DNAAF9: variants seen among roughly 807,000 people sequenced by gnomAD.
The protein encoded by DNAAF9 is shulin.
In DNAAF9, 90 loss-of-function variants were observed where a neutral mutation model predicts 167.0. The observed-to-expected ratio is 0.54, with a 90% confidence interval of 0.45 to 0.64. DNAAF9 has a LOEUF of 0.64. Ranked by LOEUF, DNAAF9 falls within the 30% of genes least tolerant of loss-of-function variation. DNAAF9 has a pLI of 0.00. For synonymous variants in DNAAF9, 491 were observed against 508.8 expected (o/e 0.96, Z 0.47); for missense variants, 1,315 against 1,442.2 (o/e 0.91, Z 1.43).
rs753088684 is a variant in DNAAF9, at chr20:3,376,260, C to T, written c.326G>A (p.Cys109Tyr). ...LIKSDSVHLY[C>Y]NPVNFRYLLP... ...GAGATAGCGAAAGTTTACAGGATTA[C>T]AGTACAGATGGACGCTATCCGATTT... The change falls in exon 4 of 37, where the codon TGT (cysteine) becomes TAT (tyrosine). Residue 109 changes from cysteine (C) to tyrosine (Y), a missense_variant. Physicochemically the swap from Cys to Tyr is radical, Grantham distance 194. Transcript: ENST00000252032. 6.2e-7 allele frequency: 1 copy of T among 1,612,868 alleles called. No individual in the cohort carries two copies. Among genetic ancestry groups the T allele is most frequent in the Non-Finnish European group, 8.5e-7 (1 of 1,179,010 alleles).
intron 6 of DNAAF9, 60 bp from the exon 7 acceptor site, chr20:3,359,653 T>G: frequency 8.4e-7 from 1 of 1,189,720 alleles, no homozygotes; most frequent in Non-Finnish European, 1.2e-6. Context: ...ACAATCAGAA[T>G]TATTTTCTGA....
intron 20 of DNAAF9, among the ~76,000 whole-genome samples, chr20:3,305,648 T>G (rs1044091316): frequency 1.8e-4 from 28 of 152,196 alleles, no homozygotes; most frequent in African/African-American, 6.0e-4. Context: ...GAGGGCTTCC[T>G]GAGGAGGTGA....
chr20:3,361,359 G>T (rs1361263537), intron 6 of DNAAF9, among the ~76,000 whole-genome samples: 4 of 151,026 alleles, frequency 2.6e-5, no homozygotes, highest in African/African-American at 9.7e-5. Context: ...CATCATTTAA[G>T]ACTTAAACCA....
At position 3,316,496 on chromosome 20, in the gene DNAAF9, C is replaced by T. The variant is rs577043941; in HGVS notation, c.1539+227G>A. Among the ~76,000 whole-genome samples, 9 of 150,200 alleles carry T rather than the reference C, an allele frequency of 6.0e-5. No individual in the cohort carries two copies. In the South Asian group the frequency reaches 1.1e-3, roughly 18 times the overall value. On this transcript the variant is annotated intron_variant, in intron 18 of 36. Coordinates refer to ENST00000252032, the MANE Select transcript of DNAAF9 (RefSeq NM_001009984.3). ...CCTTTCCTAATTTAACAGTGACCCA[C>T]GTAACTTTGTTCCTTTCTTTTGAAA...
chr20:3,332,900 G>GTGTGT (rs1376871054), intron 10 of DNAAF9, among the ~76,000 whole-genome samples: 1,793 of 146,930 alleles, frequency 0.012, 22 homozygotes, highest in Non-Finnish European at 0.019. Flanking sequence ...GTGTGCGTGT[G>GTGTGT]GTGTGTGTGT....
In DNAAF9 at chr20:3,324,664, T is replaced by G. The variant is rs762097819; in HGVS notation, c.1265+228A>C. Among the ~76,000 whole-genome samples, 241 of 152,218 alleles carry G rather than the reference T, an allele frequency of 1.6e-3. 1 individual carries two copies. The highest frequency in any genetic ancestry group is 2.6e-3 in the Non-Finnish European group (179 of 68,042). On this transcript the variant is annotated intron_variant, in intron 14 of 36. Transcript: ENST00000252032. ...CTGTGATGCTGGTGTTAATCTGCCC[T>G]GCATTCTAACCTCAGAACATGTGTG...
intron 7 of DNAAF9, among the ~76,000 whole-genome samples, chr20:3,357,196 G>A (rs965882377): frequency 1.3e-5 from 2 of 152,204 alleles, no homozygotes; most frequent in African/African-American, 4.8e-5. Context: ...GTGAGGCCAG[G>A]TGTGGTGGCT....
rs1308966108 is a variant in DNAAF9, at chr20:3,348,621, A to C, written c.693T>G (p.Asp231Glu). 1.3e-6 allele frequency: 2 copies of C among 1,588,266 alleles called. No homozygotes were observed. The highest frequency in any genetic ancestry group is 2.7e-5 in the African/African-American group (2 of 74,004). Residue 231 changes from aspartate (D) to glutamate (E), a missense_variant and splice_region_variant, in exon 8 of 37, where the codon GAT becomes GAG. This residue lies in a region of DNAAF9 where 981 missense variants were observed against 1,012.5 expected (regional missense o/e 0.97). Transcript: ENST00000252032. ...PMSLESLLSD[D>E]LVAFEHQWTS... ...TCCACTGATGTTCAAAAGCCACCAA[A>C]TCCTGGGAAAAAAAGGAAAAAGATA...
intron 6 of DNAAF9, among the ~76,000 whole-genome samples, chr20:3,370,407 C>A (rs1451376690): frequency 6.7e-6 from 1 of 149,734 alleles, no homozygotes; most frequent in African/African-American, 2.5e-5. Context: ...TGCCACTGTG[C>A]CTCGCTAATT....
At chr20:3,352,202 G>T (rs975799072) in intron 7 of DNAAF9, among the ~76,000 whole-genome samples, 2 of 152,178 alleles carry the variant, frequency 1.3e-5, no homozygotes, top group Non-Finnish European at 2.9e-5. Context: ...TTTGTATATA[G>T]AAATGCGCAT....
At chr20:3,280,421 C>T (rs370973444) in intron 28 of DNAAF9, among the ~76,000 whole-genome samples, 5 of 151,838 alleles carry the variant, frequency 3.3e-5, no homozygotes, top group East Asian at 3.9e-4. Flanking sequence ...AAAAATTAGC[C>T]GGGCATGGTG....
intron 30 of DNAAF9, among the ~76,000 whole-genome samples, chr20:3,268,921 T>TTTTTTTTTTTTTTTTTTACA: frequency 7.8e-6 from 1 of 127,766 alleles, no homozygotes; most frequent in African/African-American, 3.0e-5. Flanking sequence ...TTTTTTTTTT[T>TTTTTTTTTTTTTTTTTTACA]GAGACAGAGG....
chr20:3,293,636 G>C (rs1309866610), intron 25 of DNAAF9, among the ~76,000 whole-genome samples: 1 of 120,296 alleles, frequency 8.3e-6, no homozygotes, highest in Non-Finnish European at 1.6e-5. Context: ...AGTGAGCCGA[G>C]ATCACGCCAG....
intron 27 of DNAAF9, among the ~76,000 whole-genome samples, chr20:3,282,639 C>A (rs2068782110): frequency 6.6e-6 from 1 of 152,226 alleles, no homozygotes; most frequent in African/African-American, 2.4e-5. Context: ...CCTCTATGAT[C>A]TGACCCCCTA....
chr20:3,382,057 G>T (rs2083661488), intron 2 of DNAAF9, among the ~76,000 whole-genome samples: 1 of 152,082 alleles, frequency 6.6e-6, no homozygotes, highest in Non-Finnish European at 1.5e-5. Flanking sequence ...CAAATAAAAA[G>T]GAAATTAAAC....
chr20:3,317,143 C>T (rs1223384107), intron 17 of DNAAF9, among the ~76,000 whole-genome samples: 2 of 151,744 alleles, frequency 1.3e-5, no homozygotes, highest in East Asian at 1.9e-4. Flanking sequence ...GATCTGCCAG[C>T]CCCAGCCTCC....
intron 3 of DNAAF9, among the ~76,000 whole-genome samples, chr20:3,380,913 G>A (rs1445669004): frequency 6.6e-6 from 1 of 152,208 alleles, no homozygotes; most frequent in East Asian, 1.9e-4. Flanking sequence ...ATGAATTAAA[G>A]TCACAGAGAA....
chr20:3,349,231 A>AACG (rs1568620435), intron 7 of DNAAF9, among the ~76,000 whole-genome samples: 1 of 149,790 alleles, frequency 6.7e-6, no homozygotes, highest in Non-Finnish European at 1.5e-5. Context: ...CCATGAAAAA[A>AACG]ACGAGCTGAG....
intron 21 of DNAAF9, among the ~76,000 whole-genome samples, chr20:3,301,117 T>TG (rs1171393111): frequency 6.6e-6 from 1 of 150,912 alleles, no homozygotes; most frequent in Non-Finnish European, 1.5e-5. Context: ...TGGGCTCAAG[T>TG]GATCCTCCCA....
Sources: allele counts gnomAD v4.1 joint callset (sites outside exome capture counted in the v4.1 genomes callset), GRCh38; gene constraint gnomAD v4.1.1; regional missense constraint gnomAD v4.1.1; transcripts MANE v1.5; gene names NCBI Gene and HGNC (gene_info 2026-07-23, HGNC 2026-07-21).